Variants in KMT5A observed in about 807,000 individuals in gnomAD.
KMT5A encodes lysine methyltransferase 5A.
In KMT5A, 6 loss-of-function variants were observed where a neutral mutation model predicts 40.6. That is an observed-to-expected ratio of 0.15 (90% confidence interval 0.08 to 0.29). KMT5A has a LOEUF of 0.29. KMT5A is among the 10% of genes least tolerant of loss of function. The probability of loss-of-function intolerance (pLI) is 1.00; values close to 1 mark genes in which losing one functional copy is unlikely to be tolerated. For synonymous variants in KMT5A, 153 were observed against 178.8 expected, an observed-to-expected ratio of 0.86 and a Z score of 1.15; for missense variants, 308 against 459.1, an observed-to-expected ratio of 0.67 and a Z score of 3.01.
At position 123,389,512 on chromosome 12, in the gene KMT5A, G is replaced by C; in HGVS notation, c.90G>C (p.Glu30Asp). ...TGGCAGCGACGGCCCCGGGCCCGGA[G>C]ATGGTGGAGCGGAGGGGCCCGGGGA... Reference protein sequence around the residue: ...AAVAATAPGPEMVERRGPGRP... With the variant: ...AAVAATAPGPDMVERRGPGRP... Residue 30 changes from glutamate (E) to aspartate (D), a missense_variant, in exon 2 of 8, where the codon GAG (glutamate) becomes GAC (aspartate). Glu to Asp is a conservative substitution (Grantham distance 45). Transcript: ENST00000402868. 1 of 1,123,810 alleles carries C rather than the reference G, an allele frequency of 8.9e-7. No individual in the cohort carries two copies. The highest frequency in any genetic ancestry group is 4.2e-5 in the South Asian group (1 of 23,774). 69.6% of individuals were successfully genotyped at this position (1,123,810 alleles called of 1,614,324 possible).
Position 123,384,193 on chromosome 12 carries a change from G to T in KMT5A, c.-6G>T. ...GGGAGATCCCAGGCGGTGACAGAGT[G>T]GAGCCATGGCTAGAGGTATTTGCCC... On this transcript the variant is annotated 5_prime_UTR_variant, in exon 1 of 8. Coordinates refer to ENST00000402868, the MANE Select transcript of KMT5A (RefSeq NM_020382.7). This position sits in a 1 kb window ranked among gnomAD's most constrained non-coding sequence, Gnocchi z 5.7. The T allele has an allele frequency of 6.2e-7, 1 of 1,613,782 alleles. No homozygotes were observed. The highest frequency in any genetic ancestry group is 8.5e-7 in the Non-Finnish European group (1 of 1,179,806).
chr12:123,391,921 C>T (rs1877345682), intron 3 of KMT5A, among the ~76,000 whole-genome samples: 1 of 152,212 alleles, frequency 6.6e-6, no homozygotes, highest in African/African-American at 2.4e-5. Context: ...GCTTGATCTC[C>T]CCTGGTACAC....
rs552013483 is a variant in KMT5A, at chr12:123,387,344, G to A, written c.11-2089G>A. ...AGAAAGCTATGACCATGAGTGGGGC[G>A]TGGGGTGTGGCTCGGTATACTAGAA... On this transcript the variant is annotated intron_variant, in intron 1 of 7. Transcript: ENST00000402868. Among the ~76,000 whole-genome samples the A allele has an allele frequency of 6.6e-5, 10 of 152,322 alleles. No individual in the cohort carries two copies. The East Asian group carries it at 9.6e-4, about 15-fold the overall frequency.
chr12:123,393,261 G>C (rs1162817914), intron 3 of KMT5A, among the ~76,000 whole-genome samples: 3 of 152,092 alleles, frequency 2.0e-5, no homozygotes, highest in African/African-American at 7.2e-5. Context: ...ATGAGTCGGT[G>C]GTTTTTAGTA....
chr12:123,394,603 G>A (rs1228183424), intron 3 of KMT5A, among the ~76,000 whole-genome samples: 1 of 152,020 alleles, frequency 6.6e-6, no homozygotes, highest in Non-Finnish European at 1.5e-5. Context: ...CTTTTTCTTC[G>A]GAGTCTGAAA....
intron 5 of KMT5A, 36 bp from the exon 6 acceptor site, chr12:123,403,537 A>G (rs1268778856): frequency 1.2e-6 from 2 of 1,612,032 alleles, no homozygotes; most frequent in African/African-American, 2.7e-5. Context: ...GGCCTAGGAG[A>G]AGATACTGAT....
chr12:123,395,917 C>T (rs1466254615), intron 4 of KMT5A, among the ~76,000 whole-genome samples: 1 of 152,166 alleles, frequency 6.6e-6, no homozygotes, highest in Non-Finnish European at 1.5e-5. Flanking sequence ...AGTGCAGTAG[C>T]TCACTGCAGC....
At chr12:123,390,355 C>T (rs1382489473) in intron 2 of KMT5A, among the ~76,000 whole-genome samples, 2 of 152,192 alleles carry the variant, frequency 1.3e-5, no homozygotes, top group East Asian at 1.9e-4. Flanking sequence ...AGGCTGTCTT[C>T]TTCCTATATA....
At chr12:123,390,014 A>C (rs1182637560) in intron 2 of KMT5A, 3 of 463,280 alleles carry the variant, frequency 6.5e-6, no homozygotes, top group Non-Finnish European at 8.8e-6. Flanking sequence ...ACTGACGCCC[A>C]GGTGCGGCTT....
chr12:123,403,567 G>C lies in KMT5A; in HGVS notation c.598-6G>C. 6 of 1,614,072 alleles carry C rather than the reference G, an allele frequency of 3.7e-6. No individual in the cohort carries two copies. Among genetic ancestry groups the C allele is most frequent in the Non-Finnish European group, 4.2e-6 (5 of 1,179,958 alleles). ...ACTGATGCTGTTTTTCTTTCTCTCTGCCCAGTCTGAAGAAAGGAAAAGAAT... is the reference window on the plus strand; with the variant it reads ...ACTGATGCTGTTTTTCTTTCTCTCTCCCCAGTCTGAAGAAAGGAAAAGAAT... On this transcript the variant is annotated splice_polypyrimidine_tract_variant and splice_region_variant and intron_variant, in intron 5 of 7. Coordinates refer to ENST00000402868, the MANE Select transcript of KMT5A (RefSeq NM_020382.7).
At position 123,385,720 on chromosome 12, in the gene KMT5A, G is replaced by A. The variant is rs1876835634; in HGVS notation, c.10+1512G>A. ...TACAAAATTAGCCGGGCATGGCAGC[G>A]CATGCCTGTAATCCCAGCTACTTGG... On this transcript the variant is annotated intron_variant, in intron 1 of 7. Coordinates refer to ENST00000402868, the MANE Select transcript of KMT5A (RefSeq NM_020382.7). Among the ~76,000 whole-genome samples, 3 of 152,020 alleles carry A rather than the reference G, an allele frequency of 2.0e-5. No homozygotes were observed. In the South Asian group the frequency reaches 6.2e-4, roughly 32 times the overall value.
At position 123,384,400 on chromosome 12, in the gene KMT5A, C is replaced by T. The variant is rs1277932199; in HGVS notation, c.10+192C>T. Among the ~76,000 whole-genome samples the T allele has an allele frequency of 1.3e-5, 2 of 152,174 alleles. No individual in the cohort carries two copies. Among genetic ancestry groups the T allele is most frequent in the East Asian group, 3.9e-4 (2 of 5,180 alleles). ...CCCCCCCTTGCGGCTCCAGATGCCCCCAGAAACCCTTCCCACTGCCGTGCT... is the reference window on the plus strand; with the variant it reads ...CCCCCCCTTGCGGCTCCAGATGCCCTCAGAAACCCTTCCCACTGCCGTGCT... On this transcript the variant is annotated intron_variant, in intron 1 of 7. Coordinates refer to ENST00000402868, the MANE Select transcript of KMT5A (RefSeq NM_020382.7). The surrounding 1 kb of genome is among the most constrained non-coding windows in gnomAD (Gnocchi z 5.7).
intron 7 of KMT5A, among the ~76,000 whole-genome samples, chr12:123,406,351 G>C (rs900150154): frequency 2.6e-5 from 4 of 152,008 alleles, no homozygotes; most frequent in Non-Finnish European, 4.4e-5. Context: ...TTTCACTCTT[G>C]TTGTCCAGGC....
At chr12:123,401,191 A>C (rs1426247157) in intron 5 of KMT5A, among the ~76,000 whole-genome samples, 15 of 107,706 alleles carry the variant, frequency 1.4e-4, no homozygotes, top group African/African-American at 4.8e-4. Flanking sequence ...CTCTGTTGCC[A>C]AGGCTGGAGT....
At chr12:123,406,007 G>A (rs1021108611) in intron 7 of KMT5A, among the ~76,000 whole-genome samples, 13 of 152,122 alleles carry the variant, frequency 8.5e-5, no homozygotes, top group African/African-American at 3.1e-4. Context: ...TTTTAGTAGA[G>A]ATGGAGTTTC....
chr12:123,396,673 C>T (rs1268450803), intron 5 of KMT5A, among the ~76,000 whole-genome samples: 1 of 152,182 alleles, frequency 6.6e-6, no homozygotes, highest in Non-Finnish European at 1.5e-5. Flanking sequence ...AACCTTGTGA[C>T]TTGTAGCATG....
chr12:123,404,025 C>G (rs1404856661), intron 6 of KMT5A, among the ~76,000 whole-genome samples: 1 of 152,160 alleles, frequency 6.6e-6, no homozygotes, highest in African/African-American at 2.4e-5. Flanking sequence ...CTGCCCAGCC[C>G]CTGGCAGCCA....
chr12:123,401,621 T>G (rs1157989990), intron 5 of KMT5A, among the ~76,000 whole-genome samples: 17 of 148,178 alleles, frequency 1.1e-4, no homozygotes, highest in Middle Eastern at 3.8e-3. Context: ...TTGCTCTGTC[T>G]CCCAGGCTGG....
chr12:123,395,030 C>T lies in KMT5A; in HGVS notation c.290-17C>T, dbSNP rs1342201372. ...CAGTACAGAATAAACCCGTCTTTCCCCCACCTCCGCCTGCAGAGAAAAGAA... is the reference window on the plus strand; with the variant it reads ...CAGTACAGAATAAACCCGTCTTTCCTCCACCTCCGCCTGCAGAGAAAAGAA... On this transcript the variant is annotated splice_polypyrimidine_tract_variant and intron_variant, in intron 3 of 7. Coordinates refer to ENST00000402868, the MANE Select transcript of KMT5A (RefSeq NM_020382.7). The T allele has an allele frequency of 2.6e-6, 4 of 1,551,026 alleles. No individual in the cohort carries two copies. The highest frequency in any genetic ancestry group is 2.7e-5 in the African/African-American group (2 of 72,928).
Sources: gnomAD v4.1 joint callset for allele counts (sites outside exome capture counted in the v4.1 genomes callset) on GRCh38, gnomAD v4.1.1 for gene constraint, Gnocchi (gnomAD v3.1) non-coding constraint, MANE v1.5 for transcripts, NCBI Gene and HGNC (gene_info 2026-07-23, HGNC 2026-07-21) for gene names.